The following NRG1 variants were observed in gnomAD, a reference collection of about 807,000 sequenced individuals.
NRG1 encodes pro-neuregulin-1, membrane-bound isoform.
NRG1 carries 18 observed loss-of-function variants against 63.8 expected under a neutral mutation model. The observed-to-expected ratio is 0.28, with a 90% CI of 0.19 to 0.42. NRG1 has a LOEUF of 0.42. Among genes scored for constraint, NRG1 ranks in the 10% least tolerant of loss-of-function variants. The pLI, the probability that NRG1 is intolerant of heterozygous loss-of-function variation, is 1.00. For missense variants in NRG1, 762 were observed against 814.7 expected, an observed-to-expected ratio of 0.94 and a Z score of 0.79; for synonymous variants, 302 against 301.3, an observed-to-expected ratio of 1.00 and a Z score of -0.02.
intron 1 of NRG1, among the ~76,000 whole-genome samples, chr8:32,378,527 A>T (rs1014064226): frequency 6.6e-6 from 1 of 152,134 alleles, no homozygotes; most frequent in Non-Finnish European, 1.5e-5. Flanking sequence ...CCTGTAAGGA[A>T]TTTTTTCTAT....
At chr8:31,877,253 CA>C (rs1829999788) in intron 1 of NRG1, among the ~76,000 whole-genome samples, 1 of 152,120 alleles carries the variant, frequency 6.6e-6, no homozygotes, top group Non-Finnish European at 1.5e-5. Flanking sequence ...ACTCCGAAGA[CA>C]CCAGCAACAT....
At chr8:32,044,930 AAC>A (rs1554610210) in intron 1 of NRG1, among the ~76,000 whole-genome samples, 2 of 137,120 alleles carry the variant, frequency 1.5e-5, no homozygotes, top group East Asian at 2.3e-4. Flanking sequence ...AAAAAAAAAA[AAC>A]ACACACACAC....
intron 1 of NRG1, among the ~76,000 whole-genome samples, chr8:31,928,910 A>G (rs1834641216): frequency 6.6e-6 from 1 of 152,162 alleles, no homozygotes; most frequent in Admixed American, 6.5e-5. Flanking sequence ...ATAACTATGC[A>G]TTGGGTACAA....
intron 1 of NRG1, among the ~76,000 whole-genome samples, chr8:32,059,093 C>T (rs1305133732): frequency 1.3e-5 from 2 of 151,942 alleles, no homozygotes; most frequent in Non-Finnish European, 2.9e-5. Flanking sequence ...ATGTCATGAC[C>T]TCTAACTCAC....
intron 5 of NRG1, among the ~76,000 whole-genome samples, chr8:32,680,262 A>G (rs554122900): frequency 1.3e-5 from 2 of 152,298 alleles, no homozygotes; most frequent in African/African-American, 2.4e-5. Flanking sequence ...AACCATTAAT[A>G]TAGATCTAGG....
At chr8:32,470,093 G>C (rs1486606650) in intron 1 of NRG1, among the ~76,000 whole-genome samples, 1 of 136,146 alleles carries the variant, frequency 7.3e-6, no homozygotes, top group African/African-American at 2.8e-5. Flanking sequence ...GATTGGTCTT[G>C]ATCTCCTGAC....
chr8:32,533,707 G>A (rs1468824140), intron 1 of NRG1, among the ~76,000 whole-genome samples: 1 of 152,000 alleles, frequency 6.6e-6, no homozygotes, highest in Non-Finnish European at 1.5e-5. Context: ...AAATTTCAAT[G>A]TACCTGCCAG....
At chr8:32,688,038 G>A (rs998413836) in intron 5 of NRG1, among the ~76,000 whole-genome samples, 6 of 152,126 alleles carry the variant, frequency 3.9e-5, no homozygotes, top group African/African-American at 1.4e-4. Flanking sequence ...AACTATATCA[G>A]GTGGTTACTG....
rs1309165493 is a variant in NRG1, at chr8:31,716,916, C to T, written c.37+77485C>T. ...AGAGCTAGAACATTTAGTTCAGTCT[C>T]TATTTCATGGGTTAAAGAAAAGAAA... On this transcript the variant is annotated intron_variant, in intron 1 of 10. Transcript: ENST00000519301. Among the ~76,000 whole-genome samples the T allele has an allele frequency of 2.0e-5, 3 of 152,322 alleles. No homozygotes were observed. The East Asian group carries it at 5.8e-4, about 29-fold the overall frequency.
intron 1 of NRG1, among the ~76,000 whole-genome samples, chr8:32,574,210 C>T (rs1839186021): frequency 6.6e-6 from 1 of 152,144 alleles, no homozygotes; most frequent in African/African-American, 2.4e-5. Flanking sequence ...AGATTTTATA[C>T]ATTACTAATC....
chr8:31,652,091 G>A (rs1804906930), intron 1 of NRG1, among the ~76,000 whole-genome samples: 1 of 152,070 alleles, frequency 6.6e-6, no homozygotes, highest in Admixed American at 6.5e-5. Flanking sequence ...TTCCTTGGTC[G>A]ACACTTATTT....
At position 32,249,470 on chromosome 8, in the gene NRG1, G is replaced by T. The variant is rs113491011; in HGVS notation, c.38-346358G>T. ...TTCTCATGATTCTTAAGTGATTTGA[G>T]CTCAAAACAGACAAACAGAAAAGCG... On this transcript the variant is annotated intron_variant, in intron 1 of 10. Transcript: ENST00000519301. Among the ~76,000 whole-genome samples the T allele has an allele frequency of 9.2e-3, 1,399 of 152,174 alleles. 33 individuals carry two copies. Among genetic ancestry groups the T allele is most frequent in the African/African-American group, 0.031 (1,304 of 41,528 alleles).
At chr8:32,595,094 C>T (rs934249212) in intron 1 of NRG1, among the ~76,000 whole-genome samples, 3 of 152,192 alleles carry the variant, frequency 2.0e-5, no homozygotes, top group Non-Finnish European at 4.4e-5. Context: ...ATGCTTCCTG[C>T]GCCTATTCAC....
chr8:32,372,353 TC>T (rs1423301581), intron 1 of NRG1, among the ~76,000 whole-genome samples: 2 of 152,030 alleles, frequency 1.3e-5, no homozygotes, highest in African/African-American at 4.8e-5. Flanking sequence ...CTCTGCCATC[TC>T]CATGCTGTTT....
intron 1 of NRG1, among the ~76,000 whole-genome samples, chr8:32,157,078 G>A (rs1351467221): frequency 6.6e-6 from 1 of 151,612 alleles, no homozygotes; most frequent in Non-Finnish European, 1.5e-5. Flanking sequence ...GTGTGTGTGT[G>A]TGTGTGTGTG....
intron 1 of NRG1, among the ~76,000 whole-genome samples, chr8:32,261,017 A>G (rs1850307052): frequency 6.6e-6 from 1 of 152,200 alleles, no homozygotes; most frequent in Admixed American, 6.6e-5. Flanking sequence ...ATAGTTTTGT[A>G]CTTGATATGA....
intron 1 of NRG1, among the ~76,000 whole-genome samples, chr8:32,174,018 C>G (rs1000304283): frequency 6.6e-6 from 1 of 152,172 alleles, no homozygotes; most frequent in Non-Finnish European, 1.5e-5. Flanking sequence ...ACTCTCCACC[C>G]CAAATCAACA....
At position 32,697,945 on chromosome 8, in the gene NRG1, C is replaced by T. The variant is rs150003367; in HGVS notation, c.503-30004C>T. The stretch of plus-strand genomic sequence containing the variant: ...AAAAATGGCCAGGCATGGTGGTTCA[C>T]GCCTGTAATCCCAGCACTTTGGGAG... On this transcript the variant is annotated intron_variant, in intron 5 of 11. Transcript: ENST00000356819. Among the ~76,000 whole-genome samples, 689 of 152,218 alleles carry T rather than the reference C, an allele frequency of 4.5e-3. 7 individuals are homozygous for T. Among genetic ancestry groups the T allele is most frequent in the African/African-American group, 0.016 (645 of 41,542 alleles).
chr8:31,894,443 G>C (rs1406330268), intron 1 of NRG1, among the ~76,000 whole-genome samples: 1 of 151,874 alleles, frequency 6.6e-6, no homozygotes. Flanking sequence ...ATAATGCTAA[G>C]TAATTAAACC....
Sources: gnomAD v4.1 joint callset for allele counts (sites outside exome capture counted in the v4.1 genomes callset) on GRCh38, gnomAD v4.1.1 for gene constraint, MANE v1.5 for transcripts, NCBI Gene and HGNC (gene_info 2026-07-23, HGNC 2026-07-21) for gene names.